Variants in RASEF observed in about 807,000 individuals in gnomAD.
The protein encoded by RASEF is ras and EF-hand domain-containing protein.
Under a neutral mutation model 90.1 loss-of-function variants are expected in RASEF, and 68 were observed. The observed-to-expected ratio is 0.75, with a 90% CI of 0.62 to 0.92. The LOEUF (loss-of-function observed/expected upper bound fraction) is 0.92, where lower values mean the gene tolerates loss of function less well. Ranked by LOEUF, RASEF falls within the 40% of genes least tolerant of loss-of-function variation. RASEF has a pLI of 0.00. For synonymous variants in RASEF, 331 were observed against 345.2 expected (o/e 0.96, Z 0.46); for missense variants, 949 against 937.2 (o/e 1.01, Z -0.16).
chr9:83,196,703 G>T, the RASEF span, among the ~76,000 whole-genome samples: 1 of 152,300 alleles, frequency 6.6e-6, no homozygotes, highest in African/African-American at 2.4e-5. Flanking sequence ...ATCTCTCCTT[G>T]TCTGACTGTC....
the RASEF span, among the ~76,000 whole-genome samples, chr9:83,194,878 C>T: frequency 2.6e-5 from 4 of 152,170 alleles, no homozygotes; most frequent in Non-Finnish European, 5.9e-5. Context: ...GCTCTTTGAG[C>T]AATTACTTAT....
chr9:82,999,686 C>T (rs1167525459), intron 12 of RASEF, among the ~76,000 whole-genome samples: 6 of 149,858 alleles, frequency 4.0e-5, no homozygotes, highest in Non-Finnish European at 7.4e-5. Flanking sequence ...TCACTGCAAC[C>T]TCCGCCTCCC....
At chr9:83,081,335 C>A in the RASEF span, among the ~76,000 whole-genome samples, 1 of 152,110 alleles carries the variant, frequency 6.6e-6, no homozygotes, top group Admixed American at 6.5e-5. Flanking sequence ...TTGTTTCGTA[C>A]AGAAAAATAG....
rs147216417 is a variant in RASEF at position 83,000,462 on chromosome 9, T to G, written c.1546A>C (p.Arg516=). 5.0e-6 allele frequency: 8 copies of G among 1,614,100 alleles called. No individual in the cohort carries two copies. Among genetic ancestry groups the G allele is most frequent in the Non-Finnish European group, 6.8e-6 (8 of 1,180,002 alleles). ...VSEGSIVSSS[R]KPISALSPQT... is the part of the protein sequence containing the mutation. ...GGCGAGAGTGCTGAGATGGGCTTTC[T>G]TGATGAACTAACAATGCTGCCTTCA... Residue 516 remains arginine, a synonymous_variant, in exon 11 of 17, where the codon AGA becomes CGA. Coordinates refer to ENST00000376447, the MANE Select transcript of RASEF (RefSeq NM_152573.4).
At chr9:83,086,731 G>T in the RASEF span, among the ~76,000 whole-genome samples, 1 of 152,040 alleles carries the variant, frequency 6.6e-6, no homozygotes, top group East Asian at 1.9e-4. Flanking sequence ...TCAACATTTG[G>T]GCCTCTTTAT....
the RASEF span, among the ~76,000 whole-genome samples, chr9:83,170,715 G>C: frequency 1.4e-4 from 21 of 151,784 alleles, no homozygotes; most frequent in African/African-American, 3.9e-4. Context: ...TTCTTTTTCG[G>C]ATAGTTCACT....
the RASEF span, among the ~76,000 whole-genome samples, chr9:83,179,114 C>T: frequency 6.6e-6 from 1 of 152,136 alleles, no homozygotes. Flanking sequence ...CCATTATTTA[C>T]ATACTTAGAT....
the RASEF span, among the ~76,000 whole-genome samples, chr9:83,197,155 C>T: frequency 1.3e-5 from 2 of 152,216 alleles, no homozygotes; most frequent in African/African-American, 4.8e-5. Context: ...TGTGAATCAC[C>T]TCTATTATCA....
the RASEF span, among the ~76,000 whole-genome samples, chr9:83,187,509 G>A: frequency 1.4e-4 from 22 of 151,970 alleles, no homozygotes; most frequent in African/African-American, 5.1e-4. Flanking sequence ...ACCTAAGGAT[G>A]GCAAAACAAA....
chr9:83,121,907 C>T, the RASEF span, among the ~76,000 whole-genome samples: 264 of 152,284 alleles, frequency 1.7e-3, 4 homozygotes, highest in African/African-American at 5.9e-3. Flanking sequence ...AAGCAGGTCA[C>T]TTGACATTAC....
chr9:83,089,457 G>T, the RASEF span, among the ~76,000 whole-genome samples: 11 of 152,012 alleles, frequency 7.2e-5, no homozygotes, highest in Non-Finnish European at 1.0e-4. Flanking sequence ...TAGTGTTTTT[G>T]TAGGGAAGAT....
the RASEF span, among the ~76,000 whole-genome samples, chr9:83,128,500 G>C: frequency 6.7e-6 from 1 of 148,618 alleles, no homozygotes; most frequent in Non-Finnish European, 1.5e-5. Context: ...AAACCAATCG[G>C]CATGCAGTCC....
rs758255559 is a variant in RASEF at position 83,062,617 on chromosome 9, C to T, written c.251G>A (p.Gly84Asp). The change falls in exon 1 of 17, where the codon GGT becomes GAT. Residue 84 changes from glycine (G) to aspartate (D), a missense_variant. Physicochemically the swap from Gly to Asp is moderately conservative, Grantham distance 94. Transcript: ENST00000376447. ...SLRGGRRRDW[G>D]PLDPAPAVSE... The stretch of plus-strand genomic sequence containing the variant: ...CACGGCGGGCGCGGGATCCAGAGGA[C>T]CCCAGTCCCGGCGCCGCCCCCCGCG... The T allele has an allele frequency of 9.6e-6, 15 of 1,558,170 alleles. No homozygotes were observed. Among genetic ancestry groups the T allele is most frequent in the South Asian group, 4.6e-5 (4 of 86,084 alleles).
At chr9:83,006,083 T>G (rs2118472681) in intron 7 of RASEF, among the ~76,000 whole-genome samples, 1 of 152,328 alleles carries the variant, frequency 6.6e-6, no homozygotes, top group Non-Finnish European at 1.5e-5. Flanking sequence ...ACAGCAAAGC[T>G]ATGATTCCAC....
chr9:83,016,078 G>A (rs986747062), intron 3 of RASEF, among the ~76,000 whole-genome samples, 178 bp from the exon 4 acceptor site: 3 of 152,208 alleles, frequency 2.0e-5, no homozygotes, highest in South Asian at 4.2e-4. Flanking sequence ...CACAATTTTG[G>A]AACTGAAACC....
At chr9:83,153,289 G>C in the RASEF span, among the ~76,000 whole-genome samples, 3 of 151,756 alleles carry the variant, frequency 2.0e-5, no homozygotes, top group African/African-American at 7.3e-5. Flanking sequence ...CTTAGTTTAG[G>C]ACATATTGCT....
the RASEF span, among the ~76,000 whole-genome samples, chr9:83,094,741 G>A: frequency 6.6e-6 from 1 of 152,204 alleles, no homozygotes; most frequent in Non-Finnish European, 1.5e-5. Context: ...TCTGGATAGT[G>A]TACAACTCCT....
At chr9:83,006,766 C>CCCTGTGG (rs1410855606) in intron 7 of RASEF, among the ~76,000 whole-genome samples, 7 of 152,060 alleles carry the variant, frequency 4.6e-5, no homozygotes, top group Non-Finnish European at 1.0e-4. Flanking sequence ...GGAGGCAGAA[C>CCCTGTGG]CCTGTGGCCC....
At chr9:83,193,242 A>G in the RASEF span, among the ~76,000 whole-genome samples, 1 of 151,446 alleles carries the variant, frequency 6.6e-6, no homozygotes, top group Non-Finnish European at 1.5e-5. Context: ...CACTCCTCAC[A>G]TAGACCTACA....
Sources: gnomAD v4.1 joint callset for allele counts (sites outside exome capture counted in the v4.1 genomes callset) on GRCh38, gnomAD v4.1.1 for gene constraint, MANE v1.5 for transcripts, NCBI Gene and HGNC (gene_info 2026-07-23, HGNC 2026-07-21) for gene names.